The following CNTN4 variants were observed in gnomAD, a reference collection of about 807,000 sequenced individuals.
CNTN4 encodes the protein contactin-4.
In CNTN4, 77 loss-of-function variants were observed where a neutral mutation model predicts 122.5. The ratio of observed to expected loss-of-function variants is 0.63; its 90% CI spans 0.52 to 0.76. The LOEUF is 0.76. CNTN4 is among the 30% of genes least tolerant of loss of function. The pLI is 0.00. For synonymous variants in CNTN4, 512 were observed against 447.0 expected (o/e 1.15, Z -1.83); for missense variants, 1,256 against 1,259.1 (o/e 1.00, Z 0.04).
At chr3:2,311,580 A>C (rs1053413046) in intron 2 of CNTN4, among the ~76,000 whole-genome samples, 1 of 152,092 alleles carries the variant, frequency 6.6e-6, no homozygotes, top group Non-Finnish European at 1.5e-5. Context: ...GCAGCTGTGC[A>C]CCTGTGAGAA....
At chr3:2,162,172 C>T (rs2035992064) in intron 2 of CNTN4, among the ~76,000 whole-genome samples, 1 of 152,132 alleles carries the variant, frequency 6.6e-6, no homozygotes, top group African/African-American at 2.4e-5. Context: ...ATATTCATTT[C>T]AGCGCATTAT....
chr3:2,501,007 T>C (rs2076579520), intron 3 of CNTN4, among the ~76,000 whole-genome samples: 2 of 152,162 alleles, frequency 1.3e-5, no homozygotes. Context: ...AATTTAAATA[T>C]GTATTTTATA....
chr3:2,356,707 A>T (rs2044888263), intron 3 of CNTN4, among the ~76,000 whole-genome samples: 1 of 152,082 alleles, frequency 6.6e-6, no homozygotes, highest in African/African-American at 2.4e-5. Context: ...GCCTTATTTT[A>T]CCCAGCCCCT....
At chr3:2,247,576 T>C (rs1416800485) in intron 2 of CNTN4, among the ~76,000 whole-genome samples, 2 of 152,040 alleles carry the variant, frequency 1.3e-5, no homozygotes, top group Non-Finnish European at 2.9e-5. Context: ...TTTCTTGTCA[T>C]ATTCGGGAAC....
chr3:2,254,002 C>A (rs1282004116), intron 2 of CNTN4, among the ~76,000 whole-genome samples: 1 of 152,106 alleles, frequency 6.6e-6, no homozygotes, highest in Non-Finnish European at 1.5e-5. Flanking sequence ...AACCCATAAT[C>A]TACATTGGGT....
At chr3:2,667,539 G>A (rs1438740872) in intron 4 of CNTN4, among the ~76,000 whole-genome samples, 1 of 151,994 alleles carries the variant, frequency 6.6e-6, no homozygotes, top group African/African-American at 2.4e-5. Flanking sequence ...CATTCTGTAG[G>A]TTCCCTATTC....
intron 4 of CNTN4, among the ~76,000 whole-genome samples, chr3:2,600,532 A>G (rs1174147490): frequency 6.6e-6 from 1 of 152,090 alleles, no homozygotes; most frequent in Non-Finnish European, 1.5e-5. Context: ...ACATGAACTC[A>G]TCATTTTCTA....
chr3:2,725,960 C>T (rs888907069), intron 4 of CNTN4, among the ~76,000 whole-genome samples: 10 of 152,182 alleles, frequency 6.6e-5, no homozygotes, highest in African/African-American at 2.4e-4. Context: ...CTGATAACAA[C>T]TGCAACTCAG....
At chr3:2,483,634 A>G (rs190503326) in intron 3 of CNTN4, among the ~76,000 whole-genome samples, 361 of 152,244 alleles carry the variant, frequency 2.4e-3, no homozygotes, top group Middle Eastern at 0.014. Flanking sequence ...CATTTCCCCA[A>G]TGCTGTTCTC....
At chr3:2,327,135 GTGTGTGTGTGTGTGTGTT>G (rs1367748034) in intron 2 of CNTN4, among the ~76,000 whole-genome samples, 3 of 130,832 alleles carry the variant, frequency 2.3e-5, no homozygotes, top group South Asian at 2.5e-4. Flanking sequence ...GGGAATAGAT[GTGTGTGTGTGTGTGTGTT>G]TGTGTGTGTG....
chr3:2,435,924 G>T (rs2048242720), intron 3 of CNTN4, among the ~76,000 whole-genome samples: 1 of 152,128 alleles, frequency 6.6e-6, no homozygotes. Flanking sequence ...CTTAAACTGT[G>T]CCTTTATTGG....
intron 3 of CNTN4, among the ~76,000 whole-genome samples, chr3:2,563,767 ATAATAC>A (rs1287641306): frequency 6.6e-6 from 1 of 152,182 alleles, no homozygotes; most frequent in African/African-American, 2.4e-5. Flanking sequence ...GTCCAAATAA[ATAATAC>A]TTATTAAAAA....
chr3:2,503,615 C>A (rs1374122905), intron 3 of CNTN4, among the ~76,000 whole-genome samples: 1 of 152,076 alleles, frequency 6.6e-6, no homozygotes, highest in Non-Finnish European at 1.5e-5. Context: ...AAGTGGACAA[C>A]CCATGATACC....
intron 3 of CNTN4, among the ~76,000 whole-genome samples, chr3:2,446,980 A>G (rs1296577416): frequency 6.6e-6 from 1 of 152,218 alleles, no homozygotes; most frequent in African/African-American, 2.4e-5. Context: ...CTAGGGGAAG[A>G]ACAACATGAA....
In CNTN4 at chr3:2,210,500, A is replaced by G. The variant is rs936776745; in HGVS notation, c.-145+109861A>G. 3.3e-5 allele frequency among the ~76,000 whole-genome samples: 5 copies of G among 152,138 alleles called. No homozygotes were observed. In the East Asian group the frequency reaches 9.6e-4, roughly 29 times the overall value. ...CCCCCTCCAGTACATTTTCCACACA[A>G]TGTAGCCAGTGTAATCTTTATAACA... is the stretch of plus-strand genomic sequence containing the variant. On this transcript the variant is annotated intron_variant, in intron 2 of 24. Transcript: ENST00000418658.
intron 3 of CNTN4, among the ~76,000 whole-genome samples, chr3:2,531,324 A>G (rs912694297): frequency 5.3e-5 from 8 of 152,104 alleles, no homozygotes; most frequent in Admixed American, 3.9e-4. Context: ...AGGCCTGGGT[A>G]CGGGAGATAC....
chr3:2,324,637 C>A (rs984636369), intron 2 of CNTN4, among the ~76,000 whole-genome samples: 1 of 152,092 alleles, frequency 6.6e-6, no homozygotes, highest in Non-Finnish European at 1.5e-5. Flanking sequence ...ACAGGAGTAA[C>A]TTGATTCTGA....
At chr3:2,426,624 G>A (rs1487953691) in intron 3 of CNTN4, among the ~76,000 whole-genome samples, 5 of 152,094 alleles carry the variant, frequency 3.3e-5, no homozygotes, top group African/African-American at 1.2e-4. Context: ...TCTATTGATT[G>A]GAATAGTTTC....
At chr3:2,699,410 T>C (rs905923616) in intron 4 of CNTN4, among the ~76,000 whole-genome samples, 1 of 152,202 alleles carries the variant, frequency 6.6e-6, no homozygotes, top group African/African-American at 2.4e-5. Context: ...CCGAAAGTCA[T>C]GTGCAACTTC....
Sources: allele counts gnomAD v4.1 joint callset (sites outside exome capture counted in the v4.1 genomes callset), GRCh38; gene constraint gnomAD v4.1.1; transcripts MANE v1.5; gene names NCBI Gene and HGNC (gene_info 2026-07-23, HGNC 2026-07-21).